Variants in TTC29 observed in about 807,000 individuals in gnomAD.
The protein encoded by TTC29 is tetratricopeptide repeat protein 29.
TTC29 carries 49 observed loss-of-function variants against 58.1 expected under a neutral mutation model. The ratio of observed to expected loss-of-function variants is 0.84; its 90% confidence interval spans 0.67 to 1.07. The LOEUF is 1.07. Ranked by LOEUF, TTC29 falls within the 50% of genes least tolerant of loss-of-function variation. TTC29 has a pLI of 0.00. For synonymous variants in TTC29, 209 were observed against 196.8 expected (o/e 1.06, Z -0.52); for missense variants, 582 against 555.6 (o/e 1.05, Z -0.48).
At chr4:146,874,634 T>G (rs570878822) in intron 7 of TTC29, 82 bp downstream of exon 7, 1 of 1,125,560 alleles carries the variant, frequency 8.9e-7, no homozygotes, top group African/African-American at 1.6e-5. Context: ...ACCCTAACAC[T>G]TGACGATTTT....
intron 11 of TTC29, among the ~76,000 whole-genome samples, chr4:146,758,084 C>T (rs1368282971): frequency 6.6e-6 from 1 of 152,118 alleles, no homozygotes; most frequent in African/African-American, 2.4e-5. Flanking sequence ...CAACTATTTG[C>T]TGCCTTCAGG....
Position 146,844,698 on chromosome 4 carries a change from T to C in TTC29, c.886-10801A>G, listed in dbSNP as rs73852720. On this transcript the variant is annotated intron_variant, in intron 8 of 12. Coordinates refer to ENST00000325106, the MANE Select transcript of TTC29 (RefSeq NM_031956.4). ...GCCCAGCCCCCAGCCCTTAACCTTT[T>C]GCTAAGGAAATCCATTGGAGATCTT... Among the ~76,000 whole-genome samples, 370 of 152,286 alleles carry C rather than the reference T, an allele frequency of 2.4e-3. 2 individuals are homozygous for C. The highest frequency in any genetic ancestry group is 8.5e-3 in the African/African-American group (355 of 41,570).
At chr4:146,817,267 A>G (rs1479806794) in intron 10 of TTC29, among the ~76,000 whole-genome samples, 1 of 152,208 alleles carries the variant, frequency 6.6e-6, no homozygotes, top group African/African-American at 2.4e-5. Flanking sequence ...CAAAAATCAC[A>G]AGCATTCTTA....
At chr4:146,750,773 A>G (rs1369486940) in intron 11 of TTC29, among the ~76,000 whole-genome samples, 1 of 152,218 alleles carries the variant, frequency 6.6e-6, no homozygotes, top group Non-Finnish European at 1.5e-5. Context: ...AAACTATCAA[A>G]TCACAAAGGT....
At chr4:146,817,839 T>A (rs1320761173) in intron 10 of TTC29, among the ~76,000 whole-genome samples, 6 of 152,098 alleles carry the variant, frequency 3.9e-5, no homozygotes, top group African/African-American at 1.4e-4. Context: ...GGGAAAGGAT[T>A]CCCTATTTAA....
chr4:146,812,433 C>A (rs1022273069), intron 10 of TTC29, among the ~76,000 whole-genome samples: 2 of 152,176 alleles, frequency 1.3e-5, no homozygotes, highest in Admixed American at 1.3e-4. Flanking sequence ...CCACGCTGAG[C>A]CAGGCCAAAT....
At chr4:146,941,692 A>T (rs1218960103) in intron 2 of TTC29, among the ~76,000 whole-genome samples, 1 of 152,182 alleles carries the variant, frequency 6.6e-6, no homozygotes, top group African/African-American at 2.4e-5. Flanking sequence ...TGGTTACTCT[A>T]AAAACTGGCT....
intron 11 of TTC29, among the ~76,000 whole-genome samples, chr4:146,728,843 A>ATGTG (rs1744079867): frequency 1.2e-5 from 1 of 80,456 alleles, no homozygotes; most frequent in African/African-American, 4.2e-5. Flanking sequence ...ATACACATAT[A>ATGTG]TATGTATATA....
At chr4:146,714,689 G>C (rs1423687432) in intron 11 of TTC29, among the ~76,000 whole-genome samples, 1 of 151,858 alleles carries the variant, frequency 6.6e-6, no homozygotes, top group Non-Finnish European at 1.5e-5. Flanking sequence ...TTTTCAGACA[G>C]ACAAAAGCTG....
intron 8 of TTC29, among the ~76,000 whole-genome samples, chr4:146,838,411 A>G (rs1477364546): frequency 6.6e-6 from 1 of 151,750 alleles, no homozygotes; most frequent in Non-Finnish European, 1.5e-5. Flanking sequence ...AAAAAAAAAT[A>G]GAATATCTAT....
At chr4:146,833,720 T>C (rs1186658623) in intron 9 of TTC29, 86 bp downstream of exon 9, 5 of 1,026,256 alleles carry the variant, frequency 4.9e-6, no homozygotes, top group South Asian at 1.3e-5. Flanking sequence ...CAGGCAGTAA[T>C]GGAAAGCGAC....
intron 11 of TTC29, among the ~76,000 whole-genome samples, chr4:146,708,320 A>ATATATACATACATG (rs1742154660): frequency 3.4e-5 from 1 of 29,036 alleles, no homozygotes; most frequent in African/African-American, 6.7e-5. Flanking sequence ...ATATATATAT[A>ATATATACATACATG]TATATATATA....
intron 11 of TTC29, among the ~76,000 whole-genome samples, chr4:146,789,332 A>G (rs1376781777): frequency 1.3e-5 from 2 of 152,196 alleles, no homozygotes; most frequent in Non-Finnish European, 1.5e-5. Flanking sequence ...TCTCCTGGTG[A>G]GCTTGTTAAA....
chr4:146,907,377 A>C (rs557643122), intron 5 of TTC29, among the ~76,000 whole-genome samples: 21 of 152,342 alleles, frequency 1.4e-4, no homozygotes, highest in African/African-American at 5.0e-4. Context: ...AAAACAGTGA[A>C]TATGATAAAA....
chr4:146,926,898 G>C (rs2150312114), intron 4 of TTC29, among the ~76,000 whole-genome samples: 1 of 152,166 alleles, frequency 6.6e-6, no homozygotes, highest in African/African-American at 2.4e-5. Flanking sequence ...CTCCAGTCTA[G>C]AGCAGAGTTC....
intron 12 of TTC29, 107 bp downstream of exon 12, chr4:146,707,378 C>G (rs918683605): frequency 1.1e-5 from 9 of 845,020 alleles, no homozygotes; most frequent in Non-Finnish European, 1.7e-5. Context: ...TTAAGGTTAT[C>G]AAGTGCTGGA....
At chr4:146,865,671 T>C (rs1023383815) in intron 8 of TTC29, among the ~76,000 whole-genome samples, 1 of 152,084 alleles carries the variant, frequency 6.6e-6, no homozygotes, top group African/African-American at 2.4e-5. Flanking sequence ...AAATTATAAA[T>C]AAATAAATAC....
intron 11 of TTC29, among the ~76,000 whole-genome samples, chr4:146,793,796 AG>A: frequency 6.6e-6 from 1 of 152,290 alleles, no homozygotes; most frequent in African/African-American, 2.4e-5. Flanking sequence ...TTTTTAAAAA[AG>A]AAAAATTCCT....
intron 11 of TTC29, among the ~76,000 whole-genome samples, chr4:146,773,788 T>G (rs1198974571): frequency 2.1e-5 from 3 of 143,860 alleles, no homozygotes; most frequent in Non-Finnish European, 3.1e-5. Context: ...CTTCTCAGGG[T>G]TTTTTTTTTT....
Sources: allele counts gnomAD v4.1 joint callset (sites outside exome capture counted in the v4.1 genomes callset), GRCh38; gene constraint gnomAD v4.1.1; transcripts MANE v1.5; gene names NCBI Gene and HGNC (gene_info 2026-07-23, HGNC 2026-07-21).